The following ARHGAP44 variants were observed in gnomAD, a reference collection of about 807,000 sequenced individuals.
ARHGAP44 encodes Rho GTPase activating protein 44, also known as rho GTPase-activating protein 44.
Under a neutral mutation model 106.8 loss-of-function variants are expected in ARHGAP44, and 43 were observed. The ratio of observed to expected loss-of-function variants is 0.40; its 90% CI spans 0.32 to 0.52. The LOEUF (loss-of-function observed/expected upper bound fraction) is 0.52, where lower values mean the gene tolerates loss of function less well. ARHGAP44 is among the 20% of genes least tolerant of loss of function. ARHGAP44 has a pLI of 0.48. For synonymous variants in ARHGAP44, 439 were observed against 410.3 expected, an observed-to-expected ratio of 1.07 and a Z score of -0.85; for missense variants, 866 against 1,050.5, an observed-to-expected ratio of 0.82 and a Z score of 2.43.
chr17:12,926,616 A>C (rs747544878), intron 6 of ARHGAP44, among the ~76,000 whole-genome samples: 74 of 150,122 alleles, frequency 4.9e-4, no homozygotes, highest in Non-Finnish European at 5.9e-4. Flanking sequence ...TTAAAGCATC[A>C]AGATACTGAC....
intron 1 of ARHGAP44, among the ~76,000 whole-genome samples, chr17:12,796,133 A>T (rs2033910672): frequency 4.0e-5 from 2 of 49,860 alleles, no homozygotes; most frequent in African/African-American, 1.5e-4. Flanking sequence ...GTTTTTGAGA[A>T]GTATATCTAT....
At chr17:12,938,582 T>TTAA (rs376200698) in intron 7 of ARHGAP44, among the ~76,000 whole-genome samples, 16,778 of 126,826 alleles carry the variant, frequency 0.13, 1,242 homozygotes, top group Middle Eastern at 0.22. Context: ...AGCTATATAT[T>TTAA]AAAAAAAAAA....
intron 16 of ARHGAP44, among the ~76,000 whole-genome samples, chr17:12,966,892 C>T (rs985164743): frequency 6.6e-6 from 1 of 152,202 alleles, no homozygotes; most frequent in African/African-American, 2.4e-5. Flanking sequence ...CTTCAGAGGT[C>T]CGTTCTGCTA....
chr17:12,843,339 C>G (rs1010417516), intron 1 of ARHGAP44, among the ~76,000 whole-genome samples: 31 of 152,134 alleles, frequency 2.0e-4, no homozygotes, highest in African/African-American at 6.5e-4. Flanking sequence ...CGGTTCTCTT[C>G]AGATCTATGG....
rs545468744 is a variant in ARHGAP44, at chr17:12,843,935, G to A, written c.54-51005G>A. 2.6e-5 allele frequency among the ~76,000 whole-genome samples: 4 copies of A among 152,114 alleles called. No individual in the cohort carries two copies. In the South Asian group the frequency reaches 8.3e-4, roughly 32 times the overall value. On this transcript the variant is annotated intron_variant, in intron 1 of 20. Transcript: ENST00000379672. ...ACCTTCCAAAGTACTGGGATTACAG[G>A]CATGAGCCACCATGCCTGGCCTACT...
chr17:12,990,144 G>C lies in ARHGAP44; in HGVS notation c.2430G>C (p.Glu810Asp). Reference protein sequence around the residue: ...RHSVTDKRDSEEESESTAL With the variant: ...RHSVTDKRDSDEESESTAL ...CAGTAACTGACAAGAGGGACTCGGA[G>C]GAGGAGTCTGAGAGCACCGCCCTCT... Residue 810 changes from glutamate (E) to aspartate (D), a missense_variant, in exon 21 of 21, where the codon GAG becomes GAC. Coordinates refer to ENST00000379672, the MANE Select transcript of ARHGAP44 (RefSeq NM_014859.6). 6.2e-7 allele frequency: 1 copy of C among 1,613,076 alleles called. No individual in the cohort carries two copies. The highest frequency in any genetic ancestry group is 8.5e-7 in the Non-Finnish European group (1 of 1,179,432).
intron 16 of ARHGAP44, among the ~76,000 whole-genome samples, chr17:12,967,834 A>G (rs755350754): frequency 1.1e-4 from 16 of 152,180 alleles, no homozygotes; most frequent in Admixed American, 5.9e-4. Context: ...CGAGCCATTT[A>G]TAGTTCTTCT....
At chr17:12,855,132 T>C (rs1255921014) in intron 1 of ARHGAP44, among the ~76,000 whole-genome samples, 2 of 152,034 alleles carry the variant, frequency 1.3e-5, no homozygotes, top group East Asian at 3.9e-4. Flanking sequence ...CTGCTCAGCA[T>C]TGTTCTTTCA....
chr17:12,962,203 A>ATGT (rs1291592723), intron 16 of ARHGAP44, among the ~76,000 whole-genome samples: 135 of 152,308 alleles, frequency 8.9e-4, no homozygotes, highest in African/African-American at 3.1e-3. Flanking sequence ...TGTGTCAGTG[A>ATGT]CACTTTCCTA....
chr17:12,960,312 A>G (rs1357676636), intron 16 of ARHGAP44, among the ~76,000 whole-genome samples: 2 of 152,090 alleles, frequency 1.3e-5, no homozygotes, highest in Non-Finnish European at 2.9e-5. Context: ...GCTCACGCCT[A>G]TAATCCCAAC....
At chr17:12,987,132 C>A (rs562318442) in intron 20 of ARHGAP44, 2 of 1,532,854 alleles carry the variant, frequency 1.3e-6, no homozygotes, top group South Asian at 2.4e-5. Flanking sequence ...GTTTTGGATA[C>A]GTGTGAGGGG....
At chr17:12,875,600 A>C (rs1031779869) in intron 1 of ARHGAP44, among the ~76,000 whole-genome samples, 1 of 149,248 alleles carries the variant, frequency 6.7e-6, no homozygotes, top group African/African-American at 2.6e-5. Flanking sequence ...TCAAAAATAA[A>C]TAAATAAATA....
intron 1 of ARHGAP44, among the ~76,000 whole-genome samples, chr17:12,893,614 G>T (rs1313233222): frequency 6.6e-6 from 1 of 152,186 alleles, no homozygotes; most frequent in Non-Finnish European, 1.5e-5. Context: ...CTGATGAGGG[G>T]TACGGGCTTG....
chr17:12,954,676 A>G (rs540399134), intron 13 of ARHGAP44, among the ~76,000 whole-genome samples: 11 of 152,224 alleles, frequency 7.2e-5, no homozygotes, highest in South Asian at 2.1e-4. Context: ...ACCACAGCCT[A>G]TTGTAACTGA....
At chr17:12,849,479 C>A (rs927489434) in intron 1 of ARHGAP44, among the ~76,000 whole-genome samples, 3 of 150,240 alleles carry the variant, frequency 2.0e-5, no homozygotes, top group Admixed American at 1.3e-4. Flanking sequence ...TTTTCTGTTT[C>A]TGGTTTGAAT....
Position 12,789,735 on chromosome 17 carries a change from C to G in ARHGAP44, c.-104C>G. 8.9e-7 allele frequency: 1 copy of G among 1,125,042 alleles called. No homozygotes were observed. Among genetic ancestry groups the G allele is most frequent in the Non-Finnish European group, 1.2e-6 (1 of 859,544 alleles). The allele number at this position is 1,125,042 out of a possible 1,614,324, so 69.7% of individuals were successfully genotyped here. On this transcript the variant is annotated 5_prime_UTR_variant, in exon 1 of 21. Coordinates refer to ENST00000379672, the MANE Select transcript of ARHGAP44 (RefSeq NM_014859.6). The stretch of plus-strand genomic sequence containing the variant: ...GCCCGGAGGCTCCGCAGTGCCGCCG[C>G]CGTCGCCCGGGAGGCTCCGCGCGGG...
intron 1 of ARHGAP44, among the ~76,000 whole-genome samples, chr17:12,894,641 T>G (rs1391538997): frequency 6.6e-6 from 1 of 152,180 alleles, no homozygotes; most frequent in Non-Finnish European, 1.5e-5. Flanking sequence ...TGGGGAAACC[T>G]TAATTCTGAT....
intron 7 of ARHGAP44, among the ~76,000 whole-genome samples, chr17:12,935,745 A>G (rs1443799013): frequency 1.3e-5 from 2 of 152,302 alleles, no homozygotes; most frequent in Admixed American, 1.3e-4. Flanking sequence ...TTGACACTGC[A>G]GAAAGGTGAG....
At chr17:12,802,958 TATATATATATA>T (rs1307854209) in intron 1 of ARHGAP44, among the ~76,000 whole-genome samples, 859 of 29,304 alleles carry the variant, frequency 0.029, 12 homozygotes, top group Non-Finnish European at 0.033. Context: ...TATATATATA[TATATATATATA>T]TTTTTTTTTT....
Sources: gnomAD v4.1 joint callset for allele counts (sites outside exome capture counted in the v4.1 genomes callset) on GRCh38, gnomAD v4.1.1 for gene constraint, MANE v1.5 for transcripts, NCBI Gene and HGNC (gene_info 2026-07-23, HGNC 2026-07-21) for gene names.